CAP2: variants seen among roughly 807,000 people sequenced by gnomAD.
CAP2 encodes adenylyl cyclase-associated protein 2.
CAP2 carries 24 observed loss-of-function variants against 57.7 expected under a neutral mutation model. The ratio of observed to expected loss-of-function variants is 0.42; its 90% CI spans 0.30 to 0.58. The LOEUF is 0.58. Among genes scored for constraint, CAP2 ranks in the 20% least tolerant of loss-of-function variants. CAP2 has a pLI of 0.22. For synonymous variants in CAP2, 194 were observed against 207.2 expected (o/e 0.94, Z 0.55); for missense variants, 501 against 590.3 (o/e 0.85, Z 1.57).
chr6:17,530,381 G>T (rs780895524), intron 7 of CAP2, among the ~76,000 whole-genome samples: 15 of 152,234 alleles, frequency 9.9e-5, no homozygotes, highest in Non-Finnish European at 2.1e-4. Context: ...ATGAGCTACT[G>T]CACTGGGCCT....
chr6:17,481,054 G>A (rs1389457277), intron 4 of CAP2, among the ~76,000 whole-genome samples: 5 of 147,408 alleles, frequency 3.4e-5, no homozygotes, highest in Non-Finnish European at 7.4e-5. Flanking sequence ...GCTTCTCAAA[G>A]TGCTGGGATT....
rs761941905 is a variant in CAP2, at chr6:17,539,309, C to T, written c.677C>T (p.Ser226Phe). 1 of 1,613,928 alleles carries T rather than the reference C, an allele frequency of 6.2e-7. No homozygotes were observed. Among genetic ancestry groups the T allele is most frequent in the Non-Finnish European group, 8.5e-7 (1 of 1,179,968 alleles). ...ASTVSAFSVLSSGPGLPPPPP... is the reference protein window; with the variant it reads ...ASTVSAFSVLFSGPGLPPPPP... Reference sequence around the variant, plus strand: ...ACAGTATCAGCGTTTTCTGTCCTCTCCTCTGGGCCTGGCCTTCCTCCACCC... The same window carrying T: ...ACAGTATCAGCGTTTTCTGTCCTCTTCTCTGGGCCTGGCCTTCCTCCACCC... Residue 226 changes from serine (S) to phenylalanine (F), a missense_variant, in exon 8 of 13, where the codon TCC (serine) becomes TTC (phenylalanine). Physicochemically the swap from Ser to Phe is radical, Grantham distance 155. Coordinates refer to ENST00000229922, the MANE Select transcript of CAP2 (RefSeq NM_006366.3).
intron 3 of CAP2, among the ~76,000 whole-genome samples, chr6:17,461,949 C>T (rs1472113200): frequency 2.6e-4 from 32 of 122,254 alleles, no homozygotes; most frequent in Middle Eastern, 7.8e-3. Context: ...GCTGAGATCG[C>T]ACCATTGCAC....
rs10656588 is a variant in CAP2, at chr6:17,529,651, A to AAAAAAAAAATATAT, written c.637-9617_637-9616insAAAAAAAATATATA. ...GCAAGACTCCGTCTCAAAAAAAAAA[A>AAAAAAAAAATATAT]ATATATATATATATATATATGTATA... On this transcript the variant is annotated intron_variant, in intron 7 of 12. Coordinates refer to ENST00000229922, the MANE Select transcript of CAP2 (RefSeq NM_006366.3). Among the ~76,000 whole-genome samples the AAAAAAAAAATATAT allele has an allele frequency of 8.8e-4, 118 of 134,504 alleles. 2 individuals carry two copies. Among genetic ancestry groups the AAAAAAAAAATATAT allele is most frequent in the African/African-American group, 3.0e-3 (102 of 33,972 alleles). The allele number at this position is 134,504 out of a possible 152,430, so 88.2% of individuals were successfully genotyped here. A position where few individuals can be genotyped will look rare whatever the true frequency, so the allele number is the denominator to read the frequency against.
intron 4 of CAP2, among the ~76,000 whole-genome samples, chr6:17,491,179 C>T (rs542253974): frequency 2.0e-4 from 31 of 152,046 alleles, no homozygotes; most frequent in Non-Finnish European, 4.1e-4. Context: ...CCAACGCCCC[C>T]GAGATTGTCA....
intron 12 of CAP2, among the ~76,000 whole-genome samples, chr6:17,554,521 G>A (rs1763248991): frequency 1.3e-5 from 2 of 152,242 alleles, no homozygotes; most frequent in Admixed American, 6.5e-5. Flanking sequence ...GCCTCACAAA[G>A]TGCTGGGATT....
intron 4 of CAP2, among the ~76,000 whole-genome samples, chr6:17,499,518 C>G (rs1323241414): frequency 6.6e-6 from 1 of 151,920 alleles, no homozygotes; most frequent in East Asian, 1.9e-4. Context: ...ACCAAGTCAC[C>G]AGGTTTTATA....
intron 1 of CAP2, among the ~76,000 whole-genome samples, chr6:17,396,390 A>G (rs1013755285): frequency 6.6e-6 from 1 of 152,250 alleles, no homozygotes; most frequent in African/African-American, 2.4e-5. Context: ...AGAGGTGGAA[A>G]CAAACCAAAT....
chr6:17,451,666 C>G (rs967413396), intron 3 of CAP2, among the ~76,000 whole-genome samples: 2 of 152,036 alleles, frequency 1.3e-5, no homozygotes, highest in Admixed American at 6.6e-5. Flanking sequence ...CCCGCCACCA[C>G]GCTCAGCTAA....
intron 1 of CAP2, among the ~76,000 whole-genome samples, chr6:17,418,202 C>T (rs1333090509): frequency 6.6e-6 from 1 of 152,098 alleles, no homozygotes; most frequent in Non-Finnish European, 1.5e-5. Flanking sequence ...TCATCTTGGG[C>T]CCCATCAGTC....
At chr6:17,446,407 T>C (rs933011853) in intron 3 of CAP2, among the ~76,000 whole-genome samples, 1 of 152,226 alleles carries the variant, frequency 6.6e-6, no homozygotes, top group African/African-American at 2.4e-5. Context: ...TATGAGTATA[T>C]AGTTATGCTG....
At chr6:17,480,131 C>G (rs568414593) in intron 4 of CAP2, among the ~76,000 whole-genome samples, 2 of 152,020 alleles carry the variant, frequency 1.3e-5, no homozygotes, top group East Asian at 1.9e-4. Flanking sequence ...GAAAACAAAG[C>G]AAATCAGGAA....
intron 9 of CAP2, 115 bp from the exon 10 acceptor site, chr6:17,542,722 C>A: frequency 1.2e-6 from 1 of 838,970 alleles, no homozygotes; most frequent in Non-Finnish European, 1.9e-6. Flanking sequence ...GGAGATGGTT[C>A]CAAAAGAATA....
chr6:17,406,400 T>TTTTTTTTTTTTTTTTTTTTTTTC (rs775136481), intron 1 of CAP2, among the ~76,000 whole-genome samples: 2 of 135,554 alleles, frequency 1.5e-5, no homozygotes, highest in African/African-American at 6.1e-5. Context: ...CCAGATTTCT[T>TTTTTTTTTTTTTTTTTTTTTTTC]TTTTTTTTTT....
chr6:17,536,416 T>C (rs761668369), intron 7 of CAP2: 83 of 406,352 alleles, frequency 2.0e-4, no homozygotes, highest in Non-Finnish European at 3.6e-4. Flanking sequence ...CTGGGGCCGA[T>C]ATGGGAATAA....
chr6:17,509,599 C>T (rs1026880889), intron 6 of CAP2, among the ~76,000 whole-genome samples: 5 of 151,834 alleles, frequency 3.3e-5, no homozygotes, highest in African/African-American at 4.8e-5. Flanking sequence ...CACTTGAACC[C>T]GGGAGGCGGA....
At chr6:17,498,349 G>T (rs1282116010) in intron 4 of CAP2, among the ~76,000 whole-genome samples, 7 of 152,186 alleles carry the variant, frequency 4.6e-5, no homozygotes, top group African/African-American at 1.7e-4. Flanking sequence ...TGACAACGTA[G>T]ATTATTATCT....
At chr6:17,552,070 T>A (rs1040849146) in intron 12 of CAP2, among the ~76,000 whole-genome samples, 3 of 152,186 alleles carry the variant, frequency 2.0e-5, no homozygotes, top group Non-Finnish European at 4.4e-5. Context: ...TTCCCAAATC[T>A]TCCAGCTGGA....
At chr6:17,541,186 C>T (rs368959927) in intron 9 of CAP2, 38 bp downstream of exon 9, 102 of 1,523,410 alleles carry the variant, frequency 6.7e-5, no homozygotes, top group African/African-American at 4.0e-4. Flanking sequence ...TCCTGACATG[C>T]GCCAATGAAA....
Sources: gnomAD v4.1 joint callset for allele counts (sites outside exome capture counted in the v4.1 genomes callset) on GRCh38, gnomAD v4.1.1 for gene constraint, MANE v1.5 for transcripts, NCBI Gene and HGNC (gene_info 2026-07-23, HGNC 2026-07-21) for gene names.